GPC6: variants seen among roughly 807,000 people sequenced by gnomAD.
GPC6 encodes glypican 6, also known as glypican-6.
A neutral mutation model predicts 55.2 loss-of-function variants in GPC6; 14 were observed. The ratio of observed to expected loss-of-function variants is 0.25; its 90% CI spans 0.17 to 0.40. The LOEUF is 0.40. GPC6 is among the 10% of genes least tolerant of loss of function. GPC6 has a pLI of 1.00. For synonymous variants in GPC6, 278 were observed against 259.6 expected (o/e 1.07, Z -0.68); for missense variants, 641 against 708.5 (o/e 0.90, Z 1.08).
chr13:94,037,685 CA>C (rs1180169965), intron 4 of GPC6, among the ~76,000 whole-genome samples: 1 of 151,870 alleles, frequency 6.6e-6, no homozygotes, highest in East Asian at 1.9e-4. Context: ...TTGTAAGTTG[CA>C]GTTCCAGGTT....
At chr13:93,996,919 G>T (rs561504031) in intron 3 of GPC6, among the ~76,000 whole-genome samples, 1 of 152,200 alleles carries the variant, frequency 6.6e-6, no homozygotes, top group South Asian at 2.1e-4. Flanking sequence ...TCTTGGGCTT[G>T]GCCACTAAGT....
intron 2 of GPC6, among the ~76,000 whole-genome samples, chr13:93,791,749 T>A (rs1886041550): frequency 6.6e-6 from 1 of 152,120 alleles, no homozygotes; most frequent in African/African-American, 2.4e-5. Flanking sequence ...GCTTCCAGAG[T>A]GTTTGGAAGA....
At chr13:93,597,883 C>T (rs1877832950) in intron 2 of GPC6, among the ~76,000 whole-genome samples, 1 of 152,076 alleles carries the variant, frequency 6.6e-6, no homozygotes, top group Non-Finnish European at 1.5e-5. Context: ...CGGTGGCTCA[C>T]ACCTGTAATC....
chr13:94,108,424 G>A (rs1194855801), intron 4 of GPC6, among the ~76,000 whole-genome samples: 1 of 152,092 alleles, frequency 6.6e-6, no homozygotes, highest in Admixed American at 6.6e-5. Flanking sequence ...TACCAATTAC[G>A]TTCTTGTATG....
Position 93,889,181 on chromosome 13 carries a change from A to AT in GPC6, c.711+58639dup, listed in dbSNP as rs200181284. On this transcript the variant is annotated intron_variant, in intron 3 of 8. Coordinates refer to ENST00000377047, the MANE Select transcript of GPC6 (RefSeq NM_005708.5). ...CATTGATGTGGGTGGCTTATGAAAC[A>AT]TTTATATACTCACTGCTCACTTGTT... is the stretch of plus-strand genomic sequence containing the variant. 2.9e-3 allele frequency among the ~76,000 whole-genome samples: 444 copies of AT among 152,226 alleles called. 5 individuals carry two copies. The highest frequency in any genetic ancestry group is 1.0e-2 in the African/African-American group (415 of 41,556).
rs150559335 is a variant in GPC6 at position 93,596,825 on chromosome 13, C to T, written c.319+51404C>T. Reference sequence around the variant, plus strand: ...ATGTGTGTATAAATATATATAATTACGTGTGCCTGTATATATATAAAATTT... The same window carrying T: ...ATGTGTGTATAAATATATATAATTATGTGTGCCTGTATATATATAAAATTT... On this transcript the variant is annotated intron_variant, in intron 2 of 8. Coordinates refer to ENST00000377047, the MANE Select transcript of GPC6 (RefSeq NM_005708.5). Among the ~76,000 whole-genome samples, 954 of 147,582 alleles carry T rather than the reference C, an allele frequency of 6.5e-3. 5 individuals carry two copies. Among genetic ancestry groups the T allele is most frequent in the African/African-American group, 0.016 (637 of 40,504 alleles).
chr13:93,791,311 G>T (rs148166212), intron 2 of GPC6, among the ~76,000 whole-genome samples: 1 of 152,292 alleles, frequency 6.6e-6, no homozygotes, highest in East Asian at 1.9e-4. Flanking sequence ...AAAAACTGCA[G>T]TGCAAGAAAT....
chr13:93,295,999 T>G (rs1878484205), intron 1 of GPC6, among the ~76,000 whole-genome samples: 2 of 152,172 alleles, frequency 1.3e-5, no homozygotes. Context: ...GCTCCCTTTT[T>G]GTAATGGCAC....
At chr13:93,618,084 TTACCTTTCCTCCATGTATTAGAAA>T (rs1878800407) in intron 2 of GPC6, among the ~76,000 whole-genome samples, 1 of 152,046 alleles carries the variant, frequency 6.6e-6, no homozygotes, top group Non-Finnish European at 1.5e-5. Flanking sequence ...AAGCAAACAT[TTACCTTTCCTCCATGTATTAGAAA>T]GCTGGCTAAT....
At chr13:93,745,707 A>G (rs987942227) in intron 2 of GPC6, among the ~76,000 whole-genome samples, 5 of 152,302 alleles carry the variant, frequency 3.3e-5, no homozygotes, top group African/African-American at 4.8e-5. Flanking sequence ...GTAAGCAACC[A>G]ATATGCTAGT....
chr13:94,171,738 A>G (rs1184135553), intron 4 of GPC6, among the ~76,000 whole-genome samples: 1 of 152,192 alleles, frequency 6.6e-6, no homozygotes, highest in Non-Finnish European at 1.5e-5. Flanking sequence ...CAGATTTCCT[A>G]ACACTTTTCA....
intron 6 of GPC6, among the ~76,000 whole-genome samples, chr13:94,369,185 G>A (rs1243406387): frequency 6.6e-6 from 1 of 152,082 alleles, no homozygotes; most frequent in Non-Finnish European, 1.5e-5. Flanking sequence ...TATTTTCATA[G>A]TGATGAAATG....
At chr13:93,608,804 A>C (rs998752765) in intron 2 of GPC6, among the ~76,000 whole-genome samples, 7 of 152,208 alleles carry the variant, frequency 4.6e-5, no homozygotes, top group Non-Finnish European at 1.0e-4. Flanking sequence ...GAATGTAGTA[A>C]GTGTGTTGAA....
Position 93,484,567 on chromosome 13 carries a change from T to G in GPC6, c.161-60696T>G, listed in dbSNP as rs115832994. Reference sequence around the variant, plus strand: ...CTTCCTTGCATATTATCATAACCATTTTCTCTTTTTTGCAGGTTTTATATT... The same window carrying G: ...CTTCCTTGCATATTATCATAACCATGTTCTCTTTTTTGCAGGTTTTATATT... On this transcript the variant is annotated intron_variant, in intron 1 of 8. Coordinates refer to ENST00000377047, the MANE Select transcript of GPC6 (RefSeq NM_005708.5). 5.5e-3 allele frequency among the ~76,000 whole-genome samples: 836 copies of G among 152,272 alleles called. 8 individuals are homozygous for G. The highest frequency in any genetic ancestry group is 0.019 in the African/African-American group (784 of 41,582).
chr13:94,148,195 C>G lies in GPC6; in HGVS notation c.877+120301C>G, dbSNP rs1593987100. Among the ~76,000 whole-genome samples, 3 of 152,176 alleles carry G rather than the reference C, an allele frequency of 2.0e-5. No homozygotes were observed. In the South Asian group the frequency reaches 6.2e-4, roughly 32 times the overall value. On this transcript the variant is annotated intron_variant, in intron 4 of 8. Coordinates refer to ENST00000377047, the MANE Select transcript of GPC6 (RefSeq NM_005708.5). Reference sequence around the variant, plus strand: ...ATAAATCCAAATTAAATTTTATGAACCAGGATTGAAATTATGTGCCTTCAG... The same window carrying G: ...ATAAATCCAAATTAAATTTTATGAAGCAGGATTGAAATTATGTGCCTTCAG...
At chr13:93,556,606 GT>G (rs1441987971) in intron 2 of GPC6, among the ~76,000 whole-genome samples, 4 of 151,518 alleles carry the variant, frequency 2.6e-5, no homozygotes, top group Non-Finnish European at 2.9e-5. Context: ...TAGTCACTCT[GT>G]TGTGCTATCA....
rs531164688 is a variant in GPC6, at chr13:94,109,622, T to G, written c.877+81728T>G. Among the ~76,000 whole-genome samples, 380 of 152,196 alleles carry G rather than the reference T, an allele frequency of 2.5e-3. 1 individual carries two copies. Among genetic ancestry groups the G allele is most frequent in the African/African-American group, 8.9e-3 (368 of 41,534 alleles). ...AACGCTACTATTTCTGGAAACAGGGTCTGCTATTCAGTTACAGGAGTCTTT... is the reference window on the plus strand; with the variant it reads ...AACGCTACTATTTCTGGAAACAGGGGCTGCTATTCAGTTACAGGAGTCTTT... On this transcript the variant is annotated intron_variant, in intron 4 of 8. Transcript: ENST00000377047.
At chr13:93,576,084 C>A (rs1236040267) in intron 2 of GPC6, among the ~76,000 whole-genome samples, 1 of 152,018 alleles carries the variant, frequency 6.6e-6, no homozygotes, top group Non-Finnish European at 1.5e-5. Flanking sequence ...CTTCTTTCCC[C>A]TTTATATTTA....
chr13:93,828,334 G>T (rs571584864), intron 2 of GPC6, among the ~76,000 whole-genome samples: 1 of 151,770 alleles, frequency 6.6e-6, no homozygotes, highest in Non-Finnish European at 1.5e-5. Context: ...TTTCCAGATC[G>T]GAAGGTTTAA....
Sources: allele counts gnomAD v4.1 joint callset (sites outside exome capture counted in the v4.1 genomes callset), GRCh38; gene constraint gnomAD v4.1.1; transcripts MANE v1.5; gene names NCBI Gene and HGNC (gene_info 2026-07-23, HGNC 2026-07-21).